Variants in PCDH15 observed in about 807,000 individuals in gnomAD.
PCDH15 encodes protocadherin related 15.
In PCDH15, 129 loss-of-function variants were observed where a neutral mutation model predicts 178.5. The observed-to-expected ratio is 0.72, with a 90% confidence interval of 0.63 to 0.84. The LOEUF (loss-of-function observed/expected upper bound fraction) is 0.84, where lower values mean the gene tolerates loss of function less well. Among genes scored for constraint, PCDH15 ranks in the 40% least tolerant of loss-of-function variants. The pLI is 0.00. For synonymous variants in PCDH15, 800 were observed against 732.0 expected (o/e 1.09, Z -1.50); for missense variants, 2,230 against 2,099.9 (o/e 1.06, Z -1.21).
At chr10:55,277,099 T>C (rs1442538880) in intron 1 of PCDH15, among the ~76,000 whole-genome samples, 1 of 152,064 alleles carries the variant, frequency 6.6e-6, no homozygotes. Context: ...TAGATTAGCA[T>C]TCCAGTTCAG....
intron 2 of PCDH15, chr10:54,606,889 G>A (rs1249611842): frequency 2.0e-5 from 3 of 152,048 alleles, no homozygotes; most frequent in Non-Finnish European, 4.4e-5. Flanking sequence ...GATGAGAGAG[G>A]AAGAGCCTTA....
intron 1 of PCDH15, among the ~76,000 whole-genome samples, chr10:54,712,703 G>A (rs1486998662): frequency 1.3e-5 from 2 of 151,896 alleles, no homozygotes; most frequent in Non-Finnish European, 2.9e-5. Flanking sequence ...ACTAGAATTG[G>A]AGGCTACATT....
chr10:54,689,599 G>T (rs906092217), intron 1 of PCDH15, among the ~76,000 whole-genome samples: 1 of 152,122 alleles, frequency 6.6e-6, no homozygotes, highest in African/African-American at 2.4e-5. Flanking sequence ...GCATATCTAT[G>T]ACACTTCTAT....
chr10:55,516,738 A>C (rs1185112139), intron 2 of PCDH15, among the ~76,000 whole-genome samples: 3 of 152,152 alleles, frequency 2.0e-5, no homozygotes, highest in African/African-American at 7.2e-5. Context: ...CTTGGGATTC[A>C]TAATACTTGA....
intron 3 of PCDH15, among the ~76,000 whole-genome samples, chr10:54,854,772 C>G (rs1011452970): frequency 6.6e-6 from 1 of 152,102 alleles, no homozygotes; most frequent in Non-Finnish European, 1.5e-5. Context: ...CCATTAGTGG[C>G]CACGGGCAGG....
At chr10:54,310,361 A>C (rs1359078052) in intron 8 of PCDH15, among the ~76,000 whole-genome samples, 1 of 152,094 alleles carries the variant, frequency 6.6e-6, no homozygotes, top group Non-Finnish European at 1.5e-5. Flanking sequence ...CCGAGTTTAG[A>C]GTATGTCTTT....
intron 2 of PCDH15, chr10:54,608,022 T>A (rs1413515516): frequency 4.5e-6 from 2 of 448,710 alleles, no homozygotes; most frequent in African/African-American, 4.3e-5. Context: ...CTTGCACACA[T>A]AAGGAATTTT....
At chr10:54,090,126 T>A in intron 15 of PCDH15, 63 bp from the exon 16 acceptor site, 1 of 1,275,846 alleles carries the variant, frequency 7.8e-7, no homozygotes, top group Non-Finnish European at 1.1e-6. Flanking sequence ...CATTACAGAG[T>A]AATATAAAAG....
intron 1 of PCDH15, among the ~76,000 whole-genome samples, chr10:54,727,918 G>A (rs118059563): frequency 0.051 from 7,762 of 151,422 alleles, 244 homozygotes; most frequent in Middle Eastern, 0.14. Context: ...GCATTAATGA[G>A]TTACAAAATT....
intron 3 of PCDH15, among the ~76,000 whole-genome samples, chr10:54,522,224 A>T (rs566921384): frequency 6.6e-6 from 1 of 152,182 alleles, no homozygotes; most frequent in Non-Finnish European, 1.5e-5. Context: ...TTCTTTGTAA[A>T]TTATATGTTA....
At chr10:54,649,679 A>G (rs1313442451) in intron 2 of PCDH15, among the ~76,000 whole-genome samples, 4 of 152,036 alleles carry the variant, frequency 2.6e-5, no homozygotes, top group Non-Finnish European at 4.4e-5. Context: ...GTAAATTTTT[A>G]GAGATTCACT....
At chr10:54,917,867 A>G (rs1447843786) in intron 2 of PCDH15, among the ~76,000 whole-genome samples, 1 of 152,122 alleles carries the variant, frequency 6.6e-6, no homozygotes, top group Non-Finnish European at 1.5e-5. Context: ...AAGGAGATAT[A>G]TTTTTACTCA....
intron 2 of PCDH15, among the ~76,000 whole-genome samples, chr10:55,496,570 TACA>T (rs1840539105): frequency 6.6e-6 from 1 of 151,846 alleles, no homozygotes. Context: ...AGAAAGACTT[TACA>T]AATAATCAAG....
intron 3 of PCDH15, among the ~76,000 whole-genome samples, chr10:54,433,152 G>C (rs1957151529): frequency 6.6e-6 from 1 of 152,142 alleles, no homozygotes. Flanking sequence ...ACTATGGAGA[G>C]CAGTTTAGAG....
At chr10:53,971,539 C>T (rs1381820195) in intron 21 of PCDH15, among the ~76,000 whole-genome samples, 2 of 152,032 alleles carry the variant, frequency 1.3e-5, no homozygotes, top group Non-Finnish European at 2.9e-5. Context: ...TTAGACAACC[C>T]CATCATCTCA....
At chr10:54,365,403 G>C (rs1234582235) in intron 5 of PCDH15, among the ~76,000 whole-genome samples, 1 of 151,976 alleles carries the variant, frequency 6.6e-6, no homozygotes, top group African/African-American at 2.4e-5. Context: ...CCATGCTTTA[G>C]AGGTTTTTAT....
At chr10:54,600,017 CA>C in intron 2 of PCDH15, 1 of 1,345,264 alleles carries the variant, frequency 7.4e-7, no homozygotes, top group Non-Finnish European at 1.0e-6. Flanking sequence ...GAGGCAAAGT[CA>C]AAAGCAGAAG....
At chr10:54,380,201 C>A (rs560928651) in intron 3 of PCDH15, among the ~76,000 whole-genome samples, 1 of 152,106 alleles carries the variant, frequency 6.6e-6, no homozygotes, top group African/African-American at 2.4e-5. Flanking sequence ...AATGTTTAAA[C>A]ACAAATGTTG....
chr10:55,440,527 G>T (rs1448075669), intron 2 of PCDH15, among the ~76,000 whole-genome samples: 2 of 152,044 alleles, frequency 1.3e-5, no homozygotes, highest in African/African-American at 4.8e-5. Flanking sequence ...AAACACTGAG[G>T]CCAATAAATA....
Sources: gnomAD v4.1 joint callset for allele counts (sites outside exome capture counted in the v4.1 genomes callset) on GRCh38, gnomAD v4.1.1 for gene constraint, MANE v1.5 for transcripts, NCBI Gene and HGNC (gene_info 2026-07-23, HGNC 2026-07-21) for gene names.